The following GNG4 variants were observed in gnomAD, a reference collection of about 807,000 sequenced individuals.
The protein encoded by GNG4 is G protein subunit gamma 4, also known as guanine nucleotide-binding protein G(I)/G(S)/G(O) subunit gamma-4.
In GNG4, 4 loss-of-function variants were observed where a neutral mutation model predicts 5.8. The observed-to-expected ratio is 0.69, with a 90% CI of 0.34 to 1.57. GNG4 has a LOEUF of 1.57. Ranked by LOEUF, GNG4 falls within the 40% of genes most tolerant of loss-of-function variation. The pLI, the probability that GNG4 is intolerant of heterozygous loss-of-function variation, is 0.06. For synonymous variants in GNG4, 29 were observed against 32.9 expected, an observed-to-expected ratio of 0.88 and a Z score of 0.41; for missense variants, 96 against 95.1, an observed-to-expected ratio of 1.01 and a Z score of -0.04.
chr1:235,553,618 G>T (rs1686814616), intron 3 of GNG4, among the ~76,000 whole-genome samples: 1 of 152,180 alleles, frequency 6.6e-6, no homozygotes. Flanking sequence ...GCAATGGCTA[G>T]AAATAATTCC....
At chr1:235,554,529 A>G (rs1377345002) in intron 3 of GNG4, among the ~76,000 whole-genome samples, 1 of 152,094 alleles carries the variant, frequency 6.6e-6, no homozygotes, top group Non-Finnish European at 1.5e-5. Context: ...GACTCCAGTG[A>G]GCTCTTCTGG....
At chr1:235,609,251 TATCGGCCC>T (rs541576679) in intron 1 of GNG4, among the ~76,000 whole-genome samples, 199 of 152,332 alleles carry the variant, frequency 1.3e-3, no homozygotes, top group African/African-American at 4.4e-3. Context: ...ACATTTAGTT[TATCGGCCC>T]ATCTGCTGAT....
intron 2 of GNG4, among the ~76,000 whole-genome samples, chr1:235,592,947 ATTT>A (rs57491492): frequency 0.016 from 2,175 of 135,974 alleles, 27 homozygotes; most frequent in African/African-American, 0.027. Context: ...GCTCTGTAAC[ATTT>A]TTTTTTTTTT....
At chr1:235,597,715 T>A (rs1688160369) in intron 1 of GNG4, among the ~76,000 whole-genome samples, 1 of 148,072 alleles carries the variant, frequency 6.8e-6, no homozygotes, top group Non-Finnish European at 1.5e-5. Context: ...AAACTCTACC[T>A]CCCAGATTCA....
intron 2 of GNG4, among the ~76,000 whole-genome samples, chr1:235,593,923 G>C (rs541034548): frequency 6.6e-6 from 1 of 152,180 alleles, no homozygotes; most frequent in Non-Finnish European, 1.5e-5. Flanking sequence ...GCGTGCATGG[G>C]GACCCAAGCA....
At chr1:235,582,918 T>G (rs997669001) in intron 3 of GNG4, among the ~76,000 whole-genome samples, 1 of 152,144 alleles carries the variant, frequency 6.6e-6, no homozygotes, top group East Asian at 1.9e-4. Flanking sequence ...TTTCTAGCCA[T>G]ACACTAGCAT....
At chr1:235,601,436 C>T (rs1192898718) in intron 1 of GNG4, among the ~76,000 whole-genome samples, 14 of 152,108 alleles carry the variant, frequency 9.2e-5, no homozygotes, top group Admixed American at 9.2e-4. Flanking sequence ...AGTGTATAAC[C>T]AAAGAACTTG....
At chr1:235,601,980 G>A (rs1688267016) in intron 1 of GNG4, among the ~76,000 whole-genome samples, 1 of 152,130 alleles carries the variant, frequency 6.6e-6, no homozygotes, top group Non-Finnish European at 1.5e-5. Flanking sequence ...TACCAAAATA[G>A]AAGCTCTGGG....
chr1:235,634,321 T>C (rs948896621), intron 1 of GNG4, among the ~76,000 whole-genome samples: 3 of 152,142 alleles, frequency 2.0e-5, no homozygotes, highest in Non-Finnish European at 4.4e-5. Flanking sequence ...AAGAAAGCAA[T>C]AGGCCAGTTA....
At position 235,583,650 on chromosome 1, in the gene GNG4, T is replaced by C. The variant is rs898054904; in HGVS notation, c.99+90A>G. On this transcript the variant is annotated intron_variant, in intron 3 of 3. Transcript: ENST00000391854. The stretch of plus-strand genomic sequence containing the variant: ...TGGCTGCATGCTCTGCTGGGTGACG[T>C]GTTAACTCTCACAAGTCTGCTTTGG... 4 of 791,350 alleles carry C rather than the reference T, an allele frequency of 5.1e-6. No homozygotes were observed. The African/African-American group carries it at 6.8e-5, about 13-fold the overall frequency. The allele number at this position is 791,350 out of a possible 1,614,324, so 49.0% of individuals were successfully genotyped here.
Position 235,583,826 on chromosome 1 carries a change from T to A in GNG4, c.13A>T (p.Met5Leu). 6.2e-7 allele frequency: 1 copy of A among 1,612,620 alleles called. No individual in the cohort carries two copies. The highest frequency in any genetic ancestry group is 1.1e-5 in the South Asian group (1 of 91,014). MKEGMSNNSTTSISQ... is the reference protein window; with the variant it reads MKEGLSNNSTTSISQ... ...ATGCTAGTGGTGCTGTTATTAGACA[T>A]GCCCTCTTTCATTCTACTGCCCCTA... The change falls in exon 3 of 4, where the codon ATG becomes TTG. Residue 5 changes from methionine to leucine, a missense_variant. Physicochemically the swap from Met to Leu is conservative, Grantham distance 15 (BLOSUM62 2). Coordinates refer to ENST00000391854, the MANE Select transcript of GNG4 (RefSeq NM_001098722.2).
At chr1:235,565,572 A>G (rs1687173262) in intron 3 of GNG4, among the ~76,000 whole-genome samples, 1 of 152,192 alleles carries the variant, frequency 6.6e-6, no homozygotes, top group African/African-American at 2.4e-5. Flanking sequence ...AAGATCCCCA[A>G]AGGTCCTGGG....
chr1:235,587,634 A>G (rs1254088053), intron 2 of GNG4, among the ~76,000 whole-genome samples: 1,044 of 3,564 alleles, frequency 0.29, 453 homozygotes, highest in East Asian at 0.76. Flanking sequence ...TGTGGGGTGG[A>G]GTGTGAGTGT....
chr1:235,553,673 A>G (rs2102909067), intron 3 of GNG4, among the ~76,000 whole-genome samples: 1 of 152,326 alleles, frequency 6.6e-6, no homozygotes, highest in East Asian at 1.9e-4. Context: ...ACTCAAATAA[A>G]TCAACTTGAA....
chr1:235,549,847 C>T lies in GNG4; in HGVS notation c.*2262G>A, dbSNP rs1572601149. 6.6e-6 allele frequency: 1 copy of T among 152,200 alleles called. No homozygotes were observed. The highest frequency in any genetic ancestry group is 1.5e-5 in the Non-Finnish European group (1 of 68,032). The allele number at this position is 152,200 out of a possible 1,614,324, so 9.4% of individuals were successfully genotyped here. On this transcript the variant is annotated 3_prime_UTR_variant, in exon 4 of 4. Coordinates refer to ENST00000391854, the MANE Select transcript of GNG4 (RefSeq NM_001098722.2). ...GGTCTCTTTGAAGTCATCCATTCTT[C>T]CCTATATTATACCACGGCATTTAGT...
chr1:235,643,658 A>G (rs1005680026), intron 1 of GNG4, among the ~76,000 whole-genome samples: 2 of 152,258 alleles, frequency 1.3e-5, no homozygotes, highest in Admixed American at 6.5e-5. Context: ...CTGTATTGGA[A>G]AAGTCCTTCC....
At chr1:235,640,309 T>A (rs1305197753) in intron 1 of GNG4, among the ~76,000 whole-genome samples, 2 of 152,154 alleles carry the variant, frequency 1.3e-5, no homozygotes, top group Non-Finnish European at 2.9e-5. Context: ...ACAGAAATCA[T>A]TTGGTTCAAT....
chr1:235,548,620 G>C lies in GNG4; in HGVS notation c.*3489C>G, dbSNP rs1416549366. On this transcript the variant is annotated 3_prime_UTR_variant, in exon 4 of 4. Transcript: ENST00000391854. Reference sequence around the variant, plus strand: ...TCCCGACTGGTATGGGGCTGGAAGCGGGGTGTGCCTGAGAGACAGGAAATA... The same window carrying C: ...TCCCGACTGGTATGGGGCTGGAAGCCGGGTGTGCCTGAGAGACAGGAAATA... 9.5e-6 allele frequency: 1 copy of C among 105,358 alleles called. No individual in the cohort carries two copies. Among genetic ancestry groups the C allele is most frequent in the Non-Finnish European group, 2.1e-5 (1 of 46,538 alleles). The allele number at this position is 105,358 out of a possible 1,614,324, so 6.5% of individuals were successfully genotyped here. A position where few individuals can be genotyped will look rare whatever the true frequency, so the allele number is the denominator to read the frequency against.
chr1:235,552,198 C>T lies in GNG4; in HGVS notation c.139G>A (p.Ala47Thr), dbSNP rs566552881. Residue 47 changes from alanine (A) to threonine (T), a missense_variant, in exon 4 of 4, where the codon GCT (alanine) becomes ACT (threonine). By Grantham distance (58) the Ala-to-Thr change is moderately conservative (BLOSUM62 0). Transcript: ENST00000391854. ...AAADLLAYCEAHVREDPLIIP... is the reference protein window; with the variant it reads ...AAADLLAYCETHVREDPLIIP... ...ATGAGAGGATCTTCCCGCACGTGAG[C>T]TTCACAGTAGGCCAGGAGGTCCGCA... 16 of 1,613,998 alleles carry T rather than the reference C, an allele frequency of 9.9e-6. No individual in the cohort carries two copies. The highest frequency in any genetic ancestry group is 6.7e-5 in the Admixed American group (4 of 60,028).
Sources: allele counts gnomAD v4.1 joint callset (sites outside exome capture counted in the v4.1 genomes callset), GRCh38; gene constraint gnomAD v4.1.1; transcripts MANE v1.5; gene names NCBI Gene and HGNC (gene_info 2026-07-23, HGNC 2026-07-21).